MAST2: variants seen among roughly 807,000 people sequenced by gnomAD.
MAST2 encodes microtubule associated serine/threonine kinase 2.
MAST2 carries 70 observed loss-of-function variants against 147.4 expected under a neutral mutation model. The ratio of observed to expected loss-of-function variants is 0.47; its 90% CI spans 0.39 to 0.58. MAST2 has a LOEUF of 0.58. MAST2 is among the 20% of genes least tolerant of loss of function. The probability of loss-of-function intolerance (pLI) is 0.00; values close to 1 mark genes in which losing one functional copy is unlikely to be tolerated. For synonymous variants in MAST2, 869 were observed against 896.8 expected (o/e 0.97, Z 0.55); for missense variants, 2,080 against 2,302.3 (o/e 0.90, Z 1.98).
intron 3 of MAST2, among the ~76,000 whole-genome samples, chr1:45,858,690 T>C (rs566859238): frequency 1.8e-4 from 27 of 148,800 alleles, no homozygotes; most frequent in Non-Finnish European, 3.1e-4. Context: ...TCCTTGCCCA[T>C]GCCTATGTCC....
chr1:45,855,585 G>T (rs1645761124), intron 3 of MAST2, among the ~76,000 whole-genome samples: 1 of 151,874 alleles, frequency 6.6e-6, no homozygotes, highest in South Asian at 2.1e-4. Flanking sequence ...ATAGAAAAAA[G>T]AAATGAGATG....
chr1:45,986,514 C>G (rs1644624503), intron 5 of MAST2, among the ~76,000 whole-genome samples: 1 of 151,990 alleles, frequency 6.6e-6, no homozygotes, highest in African/African-American at 2.4e-5. Context: ...AGGAGCTGAT[C>G]AAGACCATCC....
At chr1:45,896,170 G>A (rs1648705441) in intron 4 of MAST2, among the ~76,000 whole-genome samples, 1 of 151,744 alleles carries the variant, frequency 6.6e-6, no homozygotes, top group Admixed American at 6.6e-5. Flanking sequence ...TGGGACTACA[G>A]ACATGGGTGC....
Position 46,035,377 on chromosome 1 carries a change from C to T in MAST2, c.4708C>T (p.Pro1570Ser). The T allele has an allele frequency of 6.2e-7, 1 of 1,612,906 alleles. No individual in the cohort carries two copies. The highest frequency in any genetic ancestry group is 2.2e-5 in the East Asian group (1 of 44,804). Residue 1570 changes from proline (P) to serine (S), a missense_variant, in exon 29 of 29, where the codon CCT becomes TCT. Physicochemically the swap from Pro to Ser is moderately conservative, Grantham distance 74. This residue lies in a region of MAST2 where 1,278 missense variants were observed against 1,304.2 expected (regional missense o/e 0.98). Coordinates refer to ENST00000361297, the MANE Select transcript of MAST2 (RefSeq NM_015112.3). The surrounding 1 kb of genome is among the most constrained non-coding windows in gnomAD (Gnocchi z 5.5). ...CCTATTGACAGGGATCACACTGGGGCCTCCCAGAATGGAAAGTCCCAGTGG... is the reference window on the plus strand; with the variant it reads ...CCTATTGACAGGGATCACACTGGGGTCTCCCAGAATGGAAAGTCCCAGTGG... ...PSLLTGITLG[P>S]PRMESPSGPH...
chr1:45,987,348 C>CTG (rs910896498), intron 5 of MAST2, among the ~76,000 whole-genome samples: 13 of 152,010 alleles, frequency 8.6e-5, no homozygotes, highest in Non-Finnish European at 4.4e-5. Context: ...GAGACAGGGT[C>CTG]TGTCACCCAG....
At position 46,035,048 on chromosome 1, in the gene MAST2, G is replaced by T; in HGVS notation, c.4379G>T (p.Gly1460Val). The T allele has an allele frequency of 1.9e-6, 3 of 1,613,896 alleles. No individual in the cohort carries two copies. The highest frequency in any genetic ancestry group is 2.2e-5 in the South Asian group (2 of 91,080). ...GTTGGAGCCAGGAGTGTGCTGTCTG[G>T]CAAGGGGGCCCTGCCAGGGAAGGGG... is the stretch of plus-strand genomic sequence containing the variant. ...EVVGARSVLS[G>V]KGALPGKGVL... The change falls in exon 29 of 29, where the codon GGC (glycine) becomes GTC (valine). Residue 1460 changes from glycine (G) to valine (V), a missense_variant. Around this residue, in one of 4 missense-constraint regions of MAST2, gnomAD observed 1,278 missense variants for 1,304.2 expected, o/e 0.98. Transcript: ENST00000361297. The surrounding 1 kb of genome is among the most constrained non-coding windows in gnomAD (Gnocchi z 5.5).
At chr1:45,860,563 G>C (rs1005086975) in intron 3 of MAST2, among the ~76,000 whole-genome samples, 1 of 152,186 alleles carries the variant, frequency 6.6e-6, no homozygotes, top group Non-Finnish European at 1.5e-5. Flanking sequence ...CGGGCGCAGT[G>C]GCTGATGCCT....
chr1:45,855,273 C>T (rs1341980067), intron 3 of MAST2, among the ~76,000 whole-genome samples: 2 of 151,392 alleles, frequency 1.3e-5, no homozygotes, highest in East Asian at 1.9e-4. Context: ...GGATGAAGAC[C>T]AAAAAATATA....
chr1:45,914,577 C>A (rs1362870040), intron 4 of MAST2, among the ~76,000 whole-genome samples: 1 of 152,146 alleles, frequency 6.6e-6, no homozygotes, highest in Non-Finnish European at 1.5e-5. Context: ...CTTTGTTTAA[C>A]CCACAGGGCT....
intron 4 of MAST2, among the ~76,000 whole-genome samples, chr1:45,945,629 TAGC>T (rs922267264): frequency 3.3e-5 from 5 of 152,220 alleles, no homozygotes; most frequent in African/African-American, 1.2e-4. Context: ...TCTGTATTAG[TAGC>T]AGATTAAACT....
chr1:45,989,695 A>G (rs1409887290), intron 5 of MAST2, among the ~76,000 whole-genome samples: 1 of 152,146 alleles, frequency 6.6e-6, no homozygotes, highest in Non-Finnish European at 1.5e-5. Context: ...TATCATACAG[A>G]GTAGATTTAT....
chr1:45,926,418 G>C (rs992684872), intron 4 of MAST2, among the ~76,000 whole-genome samples: 9 of 139,610 alleles, frequency 6.4e-5, no homozygotes, highest in African/African-American at 2.1e-4. Context: ...TTTTCCCTTG[G>C]ATATATTGCC....
At chr1:45,966,422 TAAAA>T (rs969914547) in intron 5 of MAST2, among the ~76,000 whole-genome samples, 1 of 123,040 alleles carries the variant, frequency 8.1e-6, no homozygotes, top group East Asian at 2.2e-4. Flanking sequence ...TTTGATTTTG[TAAAA>T]AAAAAAAAAA....
chr1:45,892,668 GACAACC>G (rs1648028010), intron 4 of MAST2, among the ~76,000 whole-genome samples: 1 of 152,176 alleles, frequency 6.6e-6, no homozygotes, highest in African/African-American at 2.4e-5. Context: ...GGAGCTCTGA[GACAACC>G]CTTCTTTGTT....
chr1:45,840,895 T>TG lies in MAST2; in HGVS notation c.468+11315dup, dbSNP rs1382606973. Among the ~76,000 whole-genome samples, 4 of 152,296 alleles carry TG rather than the reference T, an allele frequency of 2.6e-5. No individual in the cohort carries two copies. The East Asian group carries it at 7.7e-4, about 29-fold the overall frequency. On this transcript the variant is annotated intron_variant, in intron 3 of 28. Coordinates refer to ENST00000361297, the MANE Select transcript of MAST2 (RefSeq NM_015112.3). ...TCTCTGGCTATAAATATAGCCTACA[T>TG]GCATTGGGGGATGGAACATTCTGAA... is the stretch of plus-strand genomic sequence containing the variant.
chr1:45,870,290 A>C (rs1462740238), intron 3 of MAST2, among the ~76,000 whole-genome samples: 1 of 151,794 alleles, frequency 6.6e-6, no homozygotes, highest in Non-Finnish European at 1.5e-5. Context: ...ATTTTTTCTC[A>C]ATTTATTTGA....
intron 1 of MAST2, among the ~76,000 whole-genome samples, chr1:45,811,120 G>T (rs1644279299): frequency 6.6e-6 from 1 of 150,966 alleles, no homozygotes; most frequent in African/African-American, 2.4e-5. Flanking sequence ...CAAAGTGTTG[G>T]GATTACAGGC....
chr1:46,022,195 C>G, intron 12 of MAST2, 113 bp downstream of exon 12: 1 of 1,366,900 alleles, frequency 7.3e-7, no homozygotes, highest in South Asian at 1.4e-5. Flanking sequence ...CAACATGGCC[C>G]CGGGGGCCTC....
chr1:46,033,771 C>T (rs751583083), intron 26 of MAST2, 31 bp from the exon 27 acceptor site: 14 of 1,606,196 alleles, frequency 8.7e-6, no homozygotes, highest in Middle Eastern at 1.7e-4. Flanking sequence ...ATGGCTCCAG[C>T]TTAGCCTAGG....
Sources: allele counts gnomAD v4.1 joint callset (sites outside exome capture counted in the v4.1 genomes callset), GRCh38; gene constraint gnomAD v4.1.1; regional missense constraint gnomAD v4.1.1; non-coding constraint Gnocchi (gnomAD v3.1); transcripts MANE v1.5; gene names NCBI Gene and HGNC (gene_info 2026-07-23, HGNC 2026-07-21).